SPHKAP: variants seen among roughly 807,000 people sequenced by gnomAD.
SPHKAP encodes A-kinase anchor protein SPHKAP.
SPHKAP carries 67 observed loss-of-function variants against 137.5 expected under a neutral mutation model. The ratio of observed to expected loss-of-function variants is 0.49; its 90% CI spans 0.40 to 0.60. The LOEUF is 0.60. Among genes scored for constraint, SPHKAP ranks in the 20% least tolerant of loss-of-function variants. The pLI is 0.00. For synonymous variants in SPHKAP, 813 were observed against 785.3 expected, an observed-to-expected ratio of 1.04 and a Z score of -0.59; for missense variants, 2,097 against 2,069.3, an observed-to-expected ratio of 1.01 and a Z score of -0.26.
intron 3 of SPHKAP, among the ~76,000 whole-genome samples, chr2:228,091,591 T>C (rs73096700): frequency 0.023 from 3,519 of 152,056 alleles, 132 homozygotes; most frequent in African/African-American, 0.08. Flanking sequence ...AACAATCCCA[T>C]TGAAAAGTGT....
chr2:228,137,108 G>T (rs1179253485), intron 1 of SPHKAP, among the ~76,000 whole-genome samples: 1 of 151,958 alleles, frequency 6.6e-6, no homozygotes, highest in Admixed American at 6.5e-5. Flanking sequence ...AACCCAGGAA[G>T]TGAGACACTC....
intron 1 of SPHKAP, among the ~76,000 whole-genome samples, chr2:228,165,032 T>C (rs2106418685): frequency 6.6e-6 from 1 of 152,316 alleles, no homozygotes; most frequent in African/African-American, 2.4e-5. Context: ...TGATATACAG[T>C]AAAGGATCAA....
rs1000791928 is a variant in SPHKAP at position 228,016,442 on chromosome 2, C to A, written c.4412G>T (p.Gly1471Val). The change falls in exon 7 of 12, where the codon GGT (glycine) becomes GTT (valine). Residue 1471 changes from glycine (G) to valine (V), a missense_variant. Transcript: ENST00000392056. ...ACAAGCGCTCACGGCTGTGTCTCCA[C>A]CTCTCACCACATCTGGGATGTTTTT... ...NDKNIPDVVR[G>V]GDTAVSACQI... is the part of the protein sequence containing the mutation. 35 of 1,609,832 alleles carry A rather than the reference C, an allele frequency of 2.2e-5. No homozygotes were observed. The highest frequency in any genetic ancestry group is 2.8e-5 in the Non-Finnish European group (33 of 1,178,408).
At chr2:228,125,271 T>C (rs1341129112) in intron 2 of SPHKAP, among the ~76,000 whole-genome samples, 1 of 152,200 alleles carries the variant, frequency 6.6e-6, no homozygotes, top group East Asian at 1.9e-4. Context: ...TGTGGAAATA[T>C]GACATTGAAT....
chr2:228,031,484 T>A (rs948473584), intron 3 of SPHKAP, among the ~76,000 whole-genome samples: 1 of 152,180 alleles, frequency 6.6e-6, no homozygotes, highest in African/African-American at 2.4e-5. Context: ...CTCTGCAGAC[T>A]TAAATGTCCC....
chr2:228,064,382 T>G (rs1479914336), intron 3 of SPHKAP, among the ~76,000 whole-genome samples: 1 of 152,214 alleles, frequency 6.6e-6, no homozygotes, highest in Non-Finnish European at 1.5e-5. Context: ...AGATCAATTT[T>G]TAGTGACGTA....
intron 3 of SPHKAP, among the ~76,000 whole-genome samples, chr2:228,057,493 T>G (rs1696486032): frequency 6.6e-6 from 1 of 152,052 alleles, no homozygotes; most frequent in Non-Finnish European, 1.5e-5. Flanking sequence ...AGAGAGAGTC[T>G]TCAGGGGGTG....
At chr2:228,150,698 A>T (rs564752924) in intron 1 of SPHKAP, among the ~76,000 whole-genome samples, 1 of 151,090 alleles carries the variant, frequency 6.6e-6, no homozygotes, top group African/African-American at 2.4e-5. Flanking sequence ...GGCATTTGTC[A>T]ATTTGATTTG....
At chr2:228,087,896 C>T (rs1415955048) in intron 3 of SPHKAP, among the ~76,000 whole-genome samples, 1 of 152,080 alleles carries the variant, frequency 6.6e-6, no homozygotes, top group Non-Finnish European at 1.5e-5. Flanking sequence ...ATATCTAAAA[C>T]CTACAGACTT....
In SPHKAP at chr2:228,072,835, G is replaced by A. The variant is rs13403890; in HGVS notation, c.246+35997C>T. Reference sequence around the variant, plus strand: ...CAGCCCAGGTGTCAGACATGTGAACGAGCAAGCTTCCAGTTGGTTCAGCCC... The same window carrying A: ...CAGCCCAGGTGTCAGACATGTGAACAAGCAAGCTTCCAGTTGGTTCAGCCC... On this transcript the variant is annotated intron_variant, in intron 3 of 11. Coordinates refer to ENST00000392056, the MANE Select transcript of SPHKAP (RefSeq NM_001142644.2). Among the ~76,000 whole-genome samples the A allele has an allele frequency of 2.8e-3, 419 of 152,294 alleles. 5 individuals are homozygous for A. Among genetic ancestry groups the A allele is most frequent in the African/African-American group, 9.0e-3 (374 of 41,566 alleles).
chr2:228,088,292 T>G (rs916278222), intron 3 of SPHKAP, among the ~76,000 whole-genome samples: 45 of 152,298 alleles, frequency 3.0e-4, no homozygotes, highest in African/African-American at 1.1e-3. Context: ...TAAAAACACA[T>G]AAATGAGAAG....
At chr2:227,992,000 AT>A (rs1363268997) in intron 9 of SPHKAP, among the ~76,000 whole-genome samples, 5 of 152,152 alleles carry the variant, frequency 3.3e-5, no homozygotes, top group Non-Finnish European at 7.3e-5. Flanking sequence ...AGAGTTTAAT[AT>A]TGGAGGTGTT....
intron 1 of SPHKAP, among the ~76,000 whole-genome samples, chr2:228,137,492 G>A (rs1433475676): frequency 6.6e-6 from 1 of 152,182 alleles, no homozygotes; most frequent in East Asian, 1.9e-4. Flanking sequence ...TTGCTAAAAT[G>A]TCAAGTAAAC....
rs138920018 is a variant in SPHKAP, at chr2:228,037,758, A to G, written c.247-10215T>C. On this transcript the variant is annotated intron_variant, in intron 3 of 11. Coordinates refer to ENST00000392056, the MANE Select transcript of SPHKAP (RefSeq NM_001142644.2). ...TACTTTGAATATTTTACAAAAACACATAACCATGTGAATACATTGATAGGC... is the reference window on the plus strand; with the variant it reads ...TACTTTGAATATTTTACAAAAACACGTAACCATGTGAATACATTGATAGGC... 2.6e-4 allele frequency among the ~76,000 whole-genome samples: 40 copies of G among 152,338 alleles called. 1 individual carries two copies. In the East Asian group the frequency reaches 7.3e-3, roughly 28 times the overall value.
At position 228,019,487 on chromosome 2, in the gene SPHKAP, G is replaced by A; in HGVS notation, c.1367C>T (p.Pro456Leu). ...CTGTGGGGCAGCATCACTGCCATCT[G>A]GACTCTGAACAACGACGATTTTGGG... ...ELPKIVVVQS[P>L]DGSDAAPQPG... Residue 456 changes from proline (P) to leucine (L), a missense_variant, in exon 7 of 12, where the codon CCA becomes CTA. Pro to Leu is a moderately conservative substitution (Grantham distance 98, BLOSUM62 -3). Transcript: ENST00000392056. 6.2e-7 allele frequency: 1 copy of A among 1,614,158 alleles called. No homozygotes were observed. Among genetic ancestry groups the A allele is most frequent in the Middle Eastern group, 1.6e-4 (1 of 6,062 alleles).
intron 7 of SPHKAP, among the ~76,000 whole-genome samples, chr2:228,003,066 C>T (rs1013000641): frequency 8.5e-5 from 13 of 152,230 alleles, no homozygotes; most frequent in Non-Finnish European, 1.2e-4. Context: ...TTTTTGGTTC[C>T]ATGTGAACTT....
intron 3 of SPHKAP, among the ~76,000 whole-genome samples, chr2:228,037,243 A>G (rs574914414): frequency 3.7e-4 from 56 of 152,266 alleles, no homozygotes; most frequent in African/African-American, 1.2e-3. Context: ...TCTGATTTTC[A>G]ATGCTGTACT....
At chr2:228,001,545 A>G (rs1181274064) in intron 7 of SPHKAP, among the ~76,000 whole-genome samples, 1 of 145,902 alleles carries the variant, frequency 6.9e-6, no homozygotes, top group Admixed American at 7.0e-5. Context: ...ATAAAAATAT[A>G]CATATATATA....
In SPHKAP at chr2:228,092,838, A is replaced by G. The variant is rs568240486; in HGVS notation, c.246+15994T>C. Among the ~76,000 whole-genome samples, 7 of 152,118 alleles carry G rather than the reference A, an allele frequency of 4.6e-5. No individual in the cohort carries two copies. The South Asian group carries it at 1.5e-3, about 32-fold the overall frequency. The stretch of plus-strand genomic sequence containing the variant: ...AACCAAACATCATATGTTCTCACTC[A>G]TAAGTGGGAGCTAAGCTATGAGGAT... On this transcript the variant is annotated intron_variant, in intron 3 of 11. Coordinates refer to ENST00000392056, the MANE Select transcript of SPHKAP (RefSeq NM_001142644.2).
Sources: gnomAD v4.1 joint callset for allele counts (sites outside exome capture counted in the v4.1 genomes callset) on GRCh38, gnomAD v4.1.1 for gene constraint, MANE v1.5 for transcripts, NCBI Gene and HGNC (gene_info 2026-07-23, HGNC 2026-07-21) for gene names.